The following DDX49 variants were observed in gnomAD, a reference collection of about 807,000 sequenced individuals.
The protein encoded by DDX49 is probable ATP-dependent RNA helicase DDX49.
Under a neutral mutation model 56.3 loss-of-function variants are expected in DDX49, and 50 were observed. That is an observed-to-expected ratio of 0.89 (90% CI 0.71 to 1.12). DDX49 has a LOEUF of 1.12. DDX49 is among the 50% of genes most tolerant of loss of function. The pLI is 0.00. For synonymous variants in DDX49, 269 were observed against 270.6 expected, an observed-to-expected ratio of 0.99 and a Z score of 0.06; for missense variants, 614 against 650.5, an observed-to-expected ratio of 0.94 and a Z score of 0.61.
At chr19:18,927,318 A>G (rs981088678) in intron 10 of DDX49, among the ~76,000 whole-genome samples, 1 of 152,084 alleles carries the variant, frequency 6.6e-6, no homozygotes, top group Admixed American at 6.6e-5. Context: ...CGGAGGCTAC[A>G]GTGACCTGAT....
At position 18,924,970 on chromosome 19, in the gene DDX49, G is replaced by A. The variant is rs758669474; in HGVS notation, c.1018G>A (p.Ala340Thr). 6.2e-7 allele frequency: 1 copy of A among 1,610,776 alleles called. No individual in the cohort carries two copies. Among genetic ancestry groups the A allele is most frequent in the South Asian group, 1.1e-5 (1 of 91,082 alleles). The change falls in exon 9 of 13, where the codon GCC (alanine) becomes ACC (threonine). Residue 340 changes from alanine (A) to threonine (T), a missense_variant. Coordinates refer to ENST00000247003, the MANE Select transcript of DDX49 (RefSeq NM_019070.5). ...CTACATCCACCGAGTCGGCCGGACGGCCCGTGCAGGTGAGCAGTGGAGGGG... is the reference window on the plus strand; with the variant it reads ...CTACATCCACCGAGTCGGCCGGACGACCCGTGCAGGTGAGCAGTGGAGGGG... ...KIYIHRVGRT[A>T]RAGRQGQAIT...
chr19:18,922,156 C>A, intron 4 of DDX49, 170 bp from the exon 5 acceptor site: 1 of 1,151,496 alleles, frequency 8.7e-7, no homozygotes, highest in Non-Finnish European at 1.2e-6. Context: ...CAATGTTATT[C>A]GGGGGTAGGG....
chr19:18,921,923 C>G lies in DDX49; in HGVS notation c.406C>G (p.Arg136Gly), dbSNP rs913714099. Residue 136 changes from arginine to glycine, a missense_variant, in exon 4 of 13, where the codon CGC becomes GGC. Physicochemically the swap from Arg to Gly is moderately radical, Grantham distance 125 (BLOSUM62 -2). Transcript: ENST00000247003. ...ATPGRLADHL[R>G]SSNTFSIKKI... Reference sequence around the variant, plus strand: ...GCCGGGGCGCCTGGCAGATCACCTGCGCAGCTCCAACACTTTTAGTATAAA... The same window carrying G: ...GCCGGGGCGCCTGGCAGATCACCTGGGCAGCTCCAACACTTTTAGTATAAA... The G allele has an allele frequency of 6.2e-7, 1 of 1,613,658 alleles. No homozygotes were observed. Among genetic ancestry groups the G allele is most frequent in the Non-Finnish European group, 8.5e-7 (1 of 1,179,982 alleles).
At chr19:18,925,981 T>C (rs2145106016) in intron 9 of DDX49, among the ~76,000 whole-genome samples, 1 of 152,292 alleles carries the variant, frequency 6.6e-6, no homozygotes, top group South Asian at 2.1e-4. Flanking sequence ...CAAGCAGAGA[T>C]CTTGGGCTGA....
chr19:18,924,097 C>A, intron 6 of DDX49, 136 bp from the exon 7 acceptor site: 1 of 820,084 alleles, frequency 1.2e-6, no homozygotes, highest in South Asian at 1.5e-5. Context: ...CATGAGCCAC[C>A]GTGCCTGGCC....
intron 10 of DDX49, among the ~76,000 whole-genome samples, chr19:18,927,259 G>A (rs955662260): frequency 2.6e-5 from 4 of 151,840 alleles, no homozygotes; most frequent in African/African-American, 4.8e-5. Flanking sequence ...AGCAGCACAC[G>A]CCCGTAGTTC....
Position 18,928,046 on chromosome 19 carries a change from G to C in DDX49, c.1263+10G>C. 6.2e-7 allele frequency: 1 copy of C among 1,613,694 alleles called. No homozygotes were observed. Among genetic ancestry groups the C allele is most frequent in the Non-Finnish European group, 8.5e-7 (1 of 1,179,944 alleles). On this transcript the variant is annotated intron_variant, in intron 12 of 12. Transcript: ENST00000247003. ...GATCCTGGAGGGGAAGGTGAGGGCC[G>C]AGCCCGCAGGTAGGGGGTGGGTGGC...
At chr19:18,921,596 G>C in intron 2 of DDX49, 67 bp from the exon 3 acceptor site, 1 of 1,463,466 alleles carries the variant, frequency 6.8e-7, no homozygotes. Context: ...CCCTGGGGAT[G>C]GAGAGGGGAA....
Position 18,924,603 on chromosome 19 carries a change from T to C in DDX49, c.853-20T>C, listed in dbSNP as rs760505884. The C allele has an allele frequency of 1.9e-6, 3 of 1,614,156 alleles. No homozygotes were observed. The highest frequency in any genetic ancestry group is 8.5e-7 in the Non-Finnish European group (1 of 1,180,000). On this transcript the variant is annotated intron_variant, in intron 7 of 12. Coordinates refer to ENST00000247003, the MANE Select transcript of DDX49 (RefSeq NM_019070.5). Reference sequence around the variant, plus strand: ...ACCCTGCCTTCATGCATTCCCAATTTTCTTCCCAACCCTGTGCAGAAAGAA... The same window carrying C: ...ACCCTGCCTTCATGCATTCCCAATTCTCTTCCCAACCCTGTGCAGAAAGAA...
At chr19:18,923,006 G>A (rs1373792688) in intron 6 of DDX49, among the ~76,000 whole-genome samples, 1 of 152,210 alleles carries the variant, frequency 6.6e-6, no homozygotes, top group East Asian at 1.9e-4. Context: ...TGTGTTCTGG[G>A]GGTGTCACTG....
rs2056925967 is a variant in DDX49 at position 18,922,457 on chromosome 19, C to T, written c.579C>T (p.Leu193=). ...LLFSATLTDT[L]RELQGLATNQ... The stretch of plus-strand genomic sequence containing the variant: ...TCAGCGCCACGCTGACCGACACACT[C>T]CGGGAGCTGCAGGGTCTGGCCACCA... Residue 193 remains leucine (L), a synonymous_variant, in exon 5 of 13, where the codon CTC becomes CTT. Transcript: ENST00000247003. 3 of 1,603,582 alleles carry T rather than the reference C, an allele frequency of 1.9e-6. No individual in the cohort carries two copies. In the Admixed American group the frequency reaches 5.1e-5, roughly 27 times the overall value.
Position 18,922,532 on chromosome 19 carries a change from C to G in DDX49, c.635+19C>G, listed in dbSNP as rs1277323775. Reference sequence around the variant, plus strand: ...AGGCCCCGTGAGTCCACAGCCCAGACAGCGTGGGGAGGGCAGCCCCATCCT... The same window carrying G: ...AGGCCCCGTGAGTCCACAGCCCAGAGAGCGTGGGGAGGGCAGCCCCATCCT... On this transcript the variant is annotated intron_variant, in intron 5 of 12. Transcript: ENST00000247003. 8 of 1,597,774 alleles carry G rather than the reference C, an allele frequency of 5.0e-6. No individual in the cohort carries two copies. The Admixed American group carries it at 5.0e-5, about 10-fold the overall frequency.
At chr19:18,920,944 C>T (rs980391855) in intron 2 of DDX49, 5 of 278,742 alleles carry the variant, frequency 1.8e-5, no homozygotes, top group Admixed American at 4.9e-5. Flanking sequence ...AGTTTGAGAC[C>T]AGCCTGACCA....
intron 6 of DDX49, among the ~76,000 whole-genome samples, chr19:18,923,729 C>G (rs1220265967): frequency 6.6e-6 from 1 of 151,860 alleles, no homozygotes; most frequent in Non-Finnish European, 1.5e-5. Flanking sequence ...AGGGCCAACT[C>G]TTGTCAGTTC....
rs749236961 is a variant in DDX49, at chr19:18,922,414, G to A, written c.536G>A (p.Arg179His). 7 of 1,609,364 alleles carry A rather than the reference G, an allele frequency of 4.3e-6. No individual in the cohort carries two copies. Among genetic ancestry groups the A allele is most frequent in the Middle Eastern group, 1.7e-4 (1 of 6,040 alleles). Residue 179 changes from arginine to histidine, a missense_variant, in exon 5 of 13, where the codon CGC becomes CAC. Arg to His is a conservative substitution (Grantham distance 29). Coordinates refer to ENST00000247003, the MANE Select transcript of DDX49 (RefSeq NM_019070.5). ...LEAILAAVPA[R>H]RQTLLFSATL... is the part of the protein sequence containing the mutation. ...GCCATCCTGGCGGCTGTGCCGGCCC[G>A]CAGGCAGACACTGCTGTTCAGCGCC...
At chr19:18,928,104 A>G (rs2056978900) in intron 12 of DDX49, 24 bp from the exon 13 acceptor site, 1 of 1,611,188 alleles carries the variant, frequency 6.2e-7, no homozygotes, top group Non-Finnish European at 8.5e-7. Context: ...CAGCTCAGCC[A>G]TCCCCTGGTC....
intron 2 of DDX49, 125 bp from the exon 3 acceptor site, chr19:18,921,538 T>C: frequency 1.1e-6 from 1 of 892,304 alleles, no homozygotes; most frequent in Non-Finnish European, 1.8e-6. Flanking sequence ...ATCAGAGCCT[T>C]TGTGAACAGG....
chr19:18,924,965 G>A lies in DDX49; in HGVS notation c.1013G>A (p.Arg338Gln), dbSNP rs2056949295. 3 of 1,611,196 alleles carry A rather than the reference G, an allele frequency of 1.9e-6. No homozygotes were observed. The highest frequency in any genetic ancestry group is 2.5e-6 in the Non-Finnish European group (3 of 1,179,902). Residue 338 changes from arginine (R) to glutamine (Q), a missense_variant, in exon 9 of 13, where the codon CGG becomes CAG. Physicochemically the swap from Arg to Gln is conservative, Grantham distance 43. Transcript: ENST00000247003. ...AAGATCTACATCCACCGAGTCGGCC[G>A]GACGGCCCGTGCAGGTGAGCAGTGG... The part of the protein sequence containing the change: ...LPKIYIHRVG[R>Q]TARAGRQGQA...
In DDX49 at chr19:18,926,474, G is replaced by A. The variant is rs1024095942; in HGVS notation, c.1102+97G>A. ...CCCATTTTCCCGTCAGACACCAGCCGGCCTGCTCCCGTGAGCAGATTTAGG... is the reference window on the plus strand; with the variant it reads ...CCCATTTTCCCGTCAGACACCAGCCAGCCTGCTCCCGTGAGCAGATTTAGG... On this transcript the variant is annotated intron_variant, in intron 10 of 12. Coordinates refer to ENST00000247003, the MANE Select transcript of DDX49 (RefSeq NM_019070.5). The A allele has an allele frequency of 2.0e-5, 24 of 1,213,792 alleles. No homozygotes were observed. In the South Asian group the frequency reaches 2.3e-4, roughly 12 times the overall value. The allele number at this position is 1,213,792 out of a possible 1,614,324, so 75.2% of individuals were successfully genotyped here. A position where few individuals can be genotyped will look rare whatever the true frequency, so the allele number is the denominator to read the frequency against.
Sources: allele counts gnomAD v4.1 joint callset (sites outside exome capture counted in the v4.1 genomes callset), GRCh38; gene constraint gnomAD v4.1.1; transcripts MANE v1.5; gene names NCBI Gene and HGNC (gene_info 2026-07-23, HGNC 2026-07-21).